PRDM15: variants seen among roughly 807,000 people sequenced by gnomAD.
The protein encoded by PRDM15 is PR domain zinc finger protein 15.
PRDM15 carries 64 observed loss-of-function variants against 128.6 expected under a neutral mutation model. The observed-to-expected ratio is 0.50, with a 90% CI of 0.41 to 0.61. PRDM15 has a LOEUF of 0.61. Among genes scored for constraint, PRDM15 ranks in the 20% least tolerant of loss-of-function variants. The pLI is 0.00. For synonymous variants in PRDM15, 615 were observed against 621.8 expected (o/e 0.99, Z 0.16); for missense variants, 1,242 against 1,569.1 (o/e 0.79, Z 3.52).
rs2062348822 is a variant in PRDM15, at chr21:41,823,261, G to A, written c.1761+57C>T. 5.0e-6 allele frequency: 8 copies of A among 1,584,782 alleles called. No individual in the cohort carries two copies. In the East Asian group the frequency reaches 9.3e-5, roughly 18 times the overall value. The stretch of plus-strand genomic sequence containing the variant: ...TCTGCTATGGCTGACTGTGACAGAC[G>A]CTGGCCTGGGGGCCTGCCGTGAGCA... On this transcript the variant is annotated intron_variant, in intron 14 of 23. Coordinates refer to ENST00000398548, the MANE Select transcript of PRDM15 (RefSeq NM_001040424.3).
In PRDM15 at chr21:41,839,758, C is replaced by G. The variant is rs1005033446; in HGVS notation, c.736G>C (p.Gly246Arg). ...APEKEQDTPR[G>R]EPPAVPESEN... is the part of the protein sequence containing the mutation. The stretch of plus-strand genomic sequence containing the variant: ...CTCTCGGGCACTGCAGGGGGTTCCC[C>G]CCGGGGTGTGTCCTGCTCCTTCTCG... Residue 246 changes from glycine (G) to arginine (R), a missense_variant, in exon 7 of 24, where the codon GGG becomes CGG. Gly to Arg is a moderately radical substitution (Grantham distance 125). Around this residue, in one of 3 missense-constraint regions of PRDM15, gnomAD observed 612 missense variants for 717.0 expected, o/e 0.85. Transcript: ENST00000398548. 6 of 1,614,260 alleles carry G rather than the reference C, an allele frequency of 3.7e-6. No individual in the cohort carries two copies. Among genetic ancestry groups the G allele is most frequent in the Non-Finnish European group, 5.1e-6 (6 of 1,180,052 alleles).
At position 41,804,706 on chromosome 21, in the gene PRDM15, C is replaced by T. The variant is rs73373482; in HGVS notation, c.2653-92G>A. 1,358 of 864,668 alleles carry T rather than the reference C, an allele frequency of 1.6e-3. 19 individuals are homozygous for T. The African/African-American group carries it at 0.021, about 13-fold the overall frequency. 53.6% of individuals were successfully genotyped at this position (864,668 alleles called of 1,614,324 possible). On this transcript the variant is annotated intron_variant, in intron 21 of 23. Coordinates refer to ENST00000398548, the MANE Select transcript of PRDM15 (RefSeq NM_001040424.3). ...CACACACGCCTTGGGACCACCTCCACCACTCCTGCCCTTCCCTCCCAGGCA... is the reference window on the plus strand; with the variant it reads ...CACACACGCCTTGGGACCACCTCCATCACTCCTGCCCTTCCCTCCCAGGCA...
At chr21:41,822,336 T>A (rs1215825186) in intron 14 of PRDM15, among the ~76,000 whole-genome samples, 4 of 152,234 alleles carry the variant, frequency 2.6e-5, no homozygotes, top group African/African-American at 9.6e-5. Flanking sequence ...GTCCCCCTAG[T>A]GAGTCTCCCA....
Position 41,837,914 on chromosome 21 carries a change from A to T in PRDM15, c.1001+20T>A. 6.2e-7 allele frequency: 1 copy of T among 1,613,928 alleles called. No individual in the cohort carries two copies. On this transcript the variant is annotated intron_variant, in intron 8 of 23. Transcript: ENST00000398548. ...CATTGTCTGTCCACAGGACGGCCCC[A>T]GGTGCCAGGCAGGACTTACTTTGGA...
intron 1 of PRDM15, chr21:41,871,901 A>C: frequency 6.9e-6 from 2 of 291,590 alleles, no homozygotes. Flanking sequence ...GCGCACACCT[A>C]CGTGACATGA....
rs957693378 is a variant in PRDM15 at position 41,828,036 on chromosome 21, C to T, written c.1534+130G>A. 61 of 855,838 alleles carry T rather than the reference C, an allele frequency of 7.1e-5. No individual in the cohort carries two copies. The highest frequency in any genetic ancestry group is 7.0e-4 in the Middle Eastern group (2 of 2,854). The allele number at this position is 855,838 out of a possible 1,614,324, so 53.0% of individuals were successfully genotyped here. ...GAGGATGAGCCCATCGGATGGCGGGCGTTTCCAGGCAAAGGAGCAGGCGGC... is the reference window on the plus strand; with the variant it reads ...GAGGATGAGCCCATCGGATGGCGGGTGTTTCCAGGCAAAGGAGCAGGCGGC... On this transcript the variant is annotated intron_variant, in intron 12 of 23. Coordinates refer to ENST00000398548, the MANE Select transcript of PRDM15 (RefSeq NM_001040424.3). This position sits in a 1 kb window ranked among gnomAD's most constrained non-coding sequence, Gnocchi z 5.7.
intron 1 of PRDM15, among the ~76,000 whole-genome samples, chr21:41,873,463 T>C (rs13050055): frequency 0.42 from 64,454 of 151,942 alleles, 14,112 homozygotes; most frequent in Non-Finnish European, 0.49. Flanking sequence ...GCATCTGGTA[T>C]CTTTCCTGCC....
chr21:41,823,017 G>A (rs958157179), intron 14 of PRDM15, among the ~76,000 whole-genome samples: 17 of 144,508 alleles, frequency 1.2e-4, no homozygotes, highest in African/African-American at 1.5e-4. Context: ...GCGACAGAAC[G>A]AGACTCCGTC....
At position 41,879,031 on chromosome 21, in the gene PRDM15, C is replaced by G; in HGVS notation, c.-10+239G>C. 9.1e-7 allele frequency: 1 copy of G among 1,093,300 alleles called. No homozygotes were observed. The highest frequency in any genetic ancestry group is 1.1e-6 in the Non-Finnish European group (1 of 879,978). The allele number at this position is 1,093,300 out of a possible 1,614,324, so 67.7% of individuals were successfully genotyped here. On this transcript the variant is annotated intron_variant, in intron 1 of 23. Coordinates refer to ENST00000398548, the MANE Select transcript of PRDM15 (RefSeq NM_001040424.3). This position sits in a 1 kb window ranked among gnomAD's most constrained non-coding sequence, Gnocchi z 5.1. ...GGCGGCGCGCAGGGCGATCCCGGAG[C>G]GGCTCCGGGAAATCCAGCCGGGTTT... is the stretch of plus-strand genomic sequence containing the variant.
intron 23 of PRDM15, 62 bp downstream of exon 23, chr21:41,802,650 A>C (rs1470099807): frequency 1.5e-6 from 2 of 1,346,162 alleles, no homozygotes; most frequent in African/African-American, 2.9e-5. Context: ...ACACACACGT[A>C]AGGCTCTCAT....
chr21:41,839,850 T>C lies in PRDM15; in HGVS notation c.644A>G (p.His215Arg), dbSNP rs754169914. The C allele has an allele frequency of 6.2e-7, 1 of 1,614,088 alleles. No homozygotes were observed. Among genetic ancestry groups the C allele is most frequent in the Non-Finnish European group, 8.5e-7 (1 of 1,179,926 alleles). The change falls in exon 7 of 24, where the codon CAT becomes CGT. Residue 215 changes from histidine (H) to arginine (R), a missense_variant. Physicochemically the swap from His to Arg is conservative, Grantham distance 29. Transcript: ENST00000398548. Reference sequence around the variant, plus strand: ...GGCTTGTTCTAAGTGGCCCAACAGATGTTCTGCAAAGAGAGACGCGAATGC... The same window carrying C: ...GGCTTGTTCTAAGTGGCCCAACAGACGTTCTGCAAAGAGAGACGCGAATGC... ...TFLELQLLNEHLLGHLEQAKS... is the reference protein window; with the variant it reads ...TFLELQLLNERLLGHLEQAKS...
rs61738068 is a variant in PRDM15, at chr21:41,798,348, C to A, written c.*2892G>T. On this transcript the variant is annotated 3_prime_UTR_variant, in exon 24 of 24. Coordinates refer to ENST00000398548, the MANE Select transcript of PRDM15 (RefSeq NM_001040424.3). The stretch of plus-strand genomic sequence containing the variant: ...AATCCAATGGGAAAGCCCAAGACGC[C>A]GCCTCTAGTGGGGAAGCCATGAGCC... 0.085 allele frequency: 12,938 copies of A among 152,260 alleles called. 729 individuals are homozygous for A. The highest frequency in any genetic ancestry group is 0.13 in the Non-Finnish European group (8,668 of 68,022). 9.4% of individuals were successfully genotyped at this position (152,260 alleles called of 1,614,324 possible). A position where few individuals can be genotyped will look rare whatever the true frequency, so the allele number is the denominator to read the frequency against.
intron 5 of PRDM15, among the ~76,000 whole-genome samples, chr21:41,851,397 GGTGC>G (rs2063424789): frequency 6.6e-6 from 1 of 152,192 alleles, no homozygotes; most frequent in Non-Finnish European, 1.5e-5. Context: ...AGCTGGGTGA[GGTGC>G]TCGACACACA....
chr21:41,805,241 G>A (rs891317228), intron 21 of PRDM15, among the ~76,000 whole-genome samples: 19 of 152,178 alleles, frequency 1.2e-4, no homozygotes, highest in African/African-American at 3.6e-4. Flanking sequence ...CAGCAGTTGC[G>A]TTTGTTCCTG....
At position 41,801,393 on chromosome 21, in the gene PRDM15, C is replaced by T; in HGVS notation, c.3273G>A (p.Leu1091=). 6.2e-7 allele frequency: 1 copy of T among 1,613,424 alleles called. No homozygotes were observed. Among genetic ancestry groups the T allele is most frequent in the Non-Finnish European group, 8.5e-7 (1 of 1,179,432 alleles). ...LTTLVNSITP[L]GSQLSDQHPL... is the part of the protein sequence containing the mutation. ...GGTGCTGGTCACTAAGCTGGCTCCC[C>T]AGGGGCGTGATGGAGTTGACCAGGG... Residue 1091 remains leucine, a synonymous_variant, in exon 24 of 24, where the codon CTG becomes CTA. Coordinates refer to ENST00000398548, the MANE Select transcript of PRDM15 (RefSeq NM_001040424.3).
At chr21:41,878,814 G>A (rs2064521372) in intron 1 of PRDM15, 2 of 1,169,344 alleles carry the variant, frequency 1.7e-6, no homozygotes, top group Non-Finnish European at 2.1e-6. Context: ...CGACGACGCC[G>A]CCCGGCGGCG....
intron 5 of PRDM15, among the ~76,000 whole-genome samples, chr21:41,849,479 A>G (rs963937684): frequency 6.6e-6 from 1 of 152,034 alleles, no homozygotes; most frequent in Non-Finnish European, 1.5e-5. Context: ...GAGGCATGAG[A>G]ATTGCTCGAA....
chr21:41,831,246 G>A (rs1235340120), intron 11 of PRDM15, among the ~76,000 whole-genome samples: 2 of 152,256 alleles, frequency 1.3e-5, no homozygotes, highest in East Asian at 1.9e-4. Context: ...GCCACAGAGT[G>A]TCTCAGGGTC....
intron 18 of PRDM15, among the ~76,000 whole-genome samples, chr21:41,816,481 C>T (rs920284055): frequency 5.3e-5 from 8 of 152,194 alleles, no homozygotes; most frequent in African/African-American, 1.9e-4. Context: ...AGCCCAAAGG[C>T]AGCCTCCCCA....
Sources: gnomAD v4.1 joint callset for allele counts (sites outside exome capture counted in the v4.1 genomes callset) on GRCh38, gnomAD v4.1.1 for gene constraint, gnomAD v4.1.1 regional missense constraint, Gnocchi (gnomAD v3.1) non-coding constraint, MANE v1.5 for transcripts, NCBI Gene and HGNC (gene_info 2026-07-23, HGNC 2026-07-21) for gene names.